The following NR3C2 variants were observed in gnomAD, a reference collection of about 807,000 sequenced individuals.
NR3C2 encodes the protein mineralocorticoid receptor.
NR3C2 carries 15 observed loss-of-function variants against 86.4 expected under a neutral mutation model. The ratio of observed to expected loss-of-function variants is 0.17; its 90% CI spans 0.12 to 0.27. The LOEUF is 0.27. Ranked by LOEUF, NR3C2 falls within the 10% of genes least tolerant of loss-of-function variation. NR3C2 has a pLI of 1.00. For missense variants in NR3C2, 960 were observed against 1,195.6 expected, an observed-to-expected ratio of 0.80 and a Z score of 2.91; for synonymous variants, 458 against 450.5, an observed-to-expected ratio of 1.02 and a Z score of -0.21.
intron 2 of NR3C2, among the ~76,000 whole-genome samples, chr4:148,332,391 A>G (rs1194373076): frequency 6.6e-6 from 1 of 151,644 alleles, no homozygotes; most frequent in Non-Finnish European, 1.5e-5. Context: ...CCATTATGAT[A>G]TAACCTTTGA....
At chr4:148,142,372 C>T (rs7670069) in intron 6 of NR3C2, among the ~76,000 whole-genome samples, 62,216 of 151,788 alleles carry the variant, frequency 0.41, 13,016 homozygotes, top group East Asian at 0.68. Flanking sequence ...AGCTCTAGGA[C>T]CTATAGATCC....
At chr4:148,309,238 A>G (rs1187166169) in intron 2 of NR3C2, among the ~76,000 whole-genome samples, 1 of 152,226 alleles carries the variant, frequency 6.6e-6, no homozygotes, top group Non-Finnish European at 1.5e-5. Flanking sequence ...TGCTGGAAAA[A>G]CAATACATGA....
intron 2 of NR3C2, among the ~76,000 whole-genome samples, chr4:148,302,846 C>CAAAAAAAA (rs35574035): frequency 2.3e-5 from 2 of 88,542 alleles, no homozygotes; most frequent in African/African-American, 9.1e-5. Context: ...AACTCCGTCT[C>CAAAAAAAA]AAAAAAAAAA....
At chr4:148,352,943 C>A (rs1476995845) in intron 2 of NR3C2, among the ~76,000 whole-genome samples, 1 of 151,962 alleles carries the variant, frequency 6.6e-6, no homozygotes, top group African/African-American at 2.4e-5. Flanking sequence ...TAAAGTCAAA[C>A]AATGAATGAA....
chr4:148,082,656 C>G (rs1177082332), intron 8 of NR3C2, among the ~76,000 whole-genome samples: 1 of 143,824 alleles, frequency 7.0e-6, no homozygotes, highest in Non-Finnish European at 1.5e-5. Flanking sequence ...AGACACTGAG[C>G]TAGCTGCAGT....
chr4:148,121,805 A>C (rs1459252702), intron 6 of NR3C2, among the ~76,000 whole-genome samples: 1 of 152,258 alleles, frequency 6.6e-6, no homozygotes, highest in Admixed American at 6.5e-5. Flanking sequence ...CAGGTAACTA[A>C]GTTAATTCAT....
At chr4:148,125,229 A>G (rs1298578740) in intron 6 of NR3C2, among the ~76,000 whole-genome samples, 1 of 152,236 alleles carries the variant, frequency 6.6e-6, no homozygotes, top group East Asian at 1.9e-4. Context: ...TGTAGTTTAA[A>G]TTTAGACTCC....
intron 2 of NR3C2, among the ~76,000 whole-genome samples, chr4:148,361,872 C>T (rs1561063946): frequency 6.6e-6 from 1 of 151,940 alleles, no homozygotes; most frequent in Non-Finnish European, 1.5e-5. Flanking sequence ...AGTTTCACTC[C>T]TATCACCAAG....
chr4:148,418,699 T>C (rs61758342), intron 2 of NR3C2, among the ~76,000 whole-genome samples: 6,347 of 152,242 alleles, frequency 0.042, 417 homozygotes, highest in African/African-American at 0.14. Context: ...TAATAAGAAC[T>C]AAGATTTGTA....
chr4:148,407,676 T>C (rs542677785), intron 2 of NR3C2, among the ~76,000 whole-genome samples: 9 of 21,748 alleles, frequency 4.1e-4, no homozygotes, highest in African/African-American at 1.3e-3. Flanking sequence ...ATCACTCAAA[T>C]CTATCAGAGG....
At position 148,081,377 on chromosome 4, in the gene NR3C2, C is replaced by T; in HGVS notation, c.2922G>A (p.Gly974=). 1 of 1,614,144 alleles carries T rather than the reference C, an allele frequency of 6.2e-7. No individual in the cohort carries two copies. Among genetic ancestry groups the T allele is most frequent in the Non-Finnish European group, 8.5e-7 (1 of 1,180,024 alleles). ...GGTGGAAGTAGAGCGGCTTGGCGTT[C>T]CCCGACTCCACCTTGGGCAGCTGGT... The part of the protein sequence containing the change: ...ISDQLPKVES[G]NAKPLYFHRK The change falls in exon 9 of 9, where the codon GGG becomes GGA. Residue 974 remains glycine, a synonymous_variant. Coordinates refer to ENST00000358102, the MANE Select transcript of NR3C2 (RefSeq NM_000901.5).
chr4:148,124,235 A>AAAACCAAACC (rs56820575), intron 6 of NR3C2, among the ~76,000 whole-genome samples: 17,822 of 150,850 alleles, frequency 0.12, 1,197 homozygotes, highest in South Asian at 0.19. Flanking sequence ...ACTCCATCCC[A>AAAACCAAACC]AAACCAAACC....
intron 2 of NR3C2, among the ~76,000 whole-genome samples, chr4:148,360,054 A>G (rs1745763527): frequency 6.6e-6 from 1 of 152,194 alleles, no homozygotes; most frequent in Non-Finnish European, 1.5e-5. Context: ...TCTTAGTAAG[A>G]GTGGCTAAGA....
chr4:148,127,846 G>A (rs1732824270), intron 6 of NR3C2, among the ~76,000 whole-genome samples: 3 of 152,178 alleles, frequency 2.0e-5, no homozygotes, highest in African/African-American at 7.2e-5. Flanking sequence ...AATTTTATTT[G>A]TAGCTATAAC....
chr4:148,151,547 C>T (rs1337703249), intron 6 of NR3C2, among the ~76,000 whole-genome samples: 1 of 152,156 alleles, frequency 6.6e-6, no homozygotes, highest in Non-Finnish European at 1.5e-5. Flanking sequence ...TGCAGTACAT[C>T]ACATGTGGGC....
intron 2 of NR3C2, among the ~76,000 whole-genome samples, chr4:148,292,079 A>C (rs918813335): frequency 2.1e-4 from 32 of 152,040 alleles, no homozygotes; most frequent in African/African-American, 7.7e-4. Flanking sequence ...ATAAGTTGAA[A>C]TTCTGTAAAT....
intron 3 of NR3C2, among the ~76,000 whole-genome samples, chr4:148,199,802 T>C (rs1008698502): frequency 5.9e-5 from 9 of 152,180 alleles, no homozygotes; most frequent in African/African-American, 2.2e-4. Flanking sequence ...TTCTACGGGT[T>C]AGGAGTAGGT....
chr4:148,332,491 A>T (rs1744279021), intron 2 of NR3C2, among the ~76,000 whole-genome samples: 1 of 152,208 alleles, frequency 6.6e-6, no homozygotes, highest in Admixed American at 6.5e-5. Flanking sequence ...AGTTTGGGAG[A>T]ACATGCACAA....
chr4:148,300,409 G>A (rs1409946973), intron 2 of NR3C2, among the ~76,000 whole-genome samples: 1 of 152,184 alleles, frequency 6.6e-6, no homozygotes, highest in African/African-American at 2.4e-5. Flanking sequence ...CTAAAGTCAG[G>A]TAGAAAGGGA....
Sources: allele counts gnomAD v4.1 joint callset (sites outside exome capture counted in the v4.1 genomes callset), GRCh38; gene constraint gnomAD v4.1.1; transcripts MANE v1.5; gene names NCBI Gene and HGNC (gene_info 2026-07-23, HGNC 2026-07-21).